Variants in NIPSNAP2 observed in about 807,000 individuals in gnomAD.
NIPSNAP2 encodes the protein nipsnap homolog 2, also known as protein NipSnap homolog 2.
A neutral mutation model predicts 48.4 loss-of-function variants in NIPSNAP2; 42 were observed. The ratio of observed to expected loss-of-function variants is 0.87; its 90% confidence interval spans 0.68 to 1.12. NIPSNAP2 has a LOEUF of 1.12. Among genes scored for constraint, NIPSNAP2 ranks in the 50% most tolerant of loss-of-function variants. The probability of loss-of-function intolerance (pLI) is 0.00; values close to 1 mark genes in which losing one functional copy is unlikely to be tolerated. For missense variants in NIPSNAP2, 314 were observed against 347.3 expected (o/e 0.90, Z 0.76); for synonymous variants, 158 against 126.6 (o/e 1.25, Z -1.67).
intron 1 of NIPSNAP2, among the ~76,000 whole-genome samples, chr7:55,967,498 G>T (rs1440739629): frequency 6.6e-6 from 1 of 151,760 alleles, no homozygotes; most frequent in Non-Finnish European, 1.5e-5. Flanking sequence ...AGATAGTCTT[G>T]CCCTGTTGCC....
chr7:55,987,817 G>A (rs1787362877), intron 7 of NIPSNAP2, among the ~76,000 whole-genome samples: 2 of 152,234 alleles, frequency 1.3e-5, no homozygotes, highest in East Asian at 1.9e-4. Flanking sequence ...GAGGGAATAC[G>A]GAATTGGTGT....
chr7:55,992,055 T>G (rs1022883178), intron 7 of NIPSNAP2, among the ~76,000 whole-genome samples: 2 of 152,148 alleles, frequency 1.3e-5, no homozygotes, highest in African/African-American at 4.8e-5. Context: ...TTATAATTTC[T>G]GTGAAGATAT....
At chr7:55,978,012 G>A in intron 1 of NIPSNAP2, 114 bp from the exon 2 acceptor site, 1 of 1,179,522 alleles carries the variant, frequency 8.5e-7, no homozygotes, top group Non-Finnish European at 1.2e-6. Flanking sequence ...GGCATTCTTT[G>A]GTAGCCCAGG....
intron 5 of NIPSNAP2, among the ~76,000 whole-genome samples, chr7:55,983,064 A>G (rs1367557162): frequency 7.0e-6 from 1 of 143,046 alleles, no homozygotes; most frequent in Non-Finnish European, 1.6e-5. Context: ...CAGAGGTTGC[A>G]GTGTGCCGAG....
Position 55,978,356 on chromosome 7 carries a change from A to G in NIPSNAP2, c.239A>G (p.Asn80Ser), listed in dbSNP as rs760571472. 19 of 1,613,462 alleles carry G rather than the reference A, an allele frequency of 1.2e-5. No homozygotes were observed. Among genetic ancestry groups the G allele is most frequent in the Middle Eastern group, 3.3e-4 (2 of 6,080 alleles). Reference sequence around the variant, plus strand: ...GAATTTTCTTTTGTTTCAGTTCACAATGTTAAACCGGAATGCCTAGAAGCA... The same window carrying G: ...GAATTTTCTTTTGTTTCAGTTCACAGTGTTAAACCGGAATGCCTAGAAGCA... The part of the protein sequence containing the change: ...TSNLYKLQFH[N>S]VKPECLEAYN... The change falls in exon 3 of 10, where the codon AAT (asparagine) becomes AGT (serine). Residue 80 changes from asparagine (N) to serine (S), a missense_variant. This residue lies in a region of NIPSNAP2 where 198 missense variants were observed against 185.5 expected (regional missense o/e 1.07). Coordinates refer to ENST00000322090, the MANE Select transcript of NIPSNAP2 (RefSeq NM_001483.3).
intron 5 of NIPSNAP2, among the ~76,000 whole-genome samples, chr7:55,982,595 C>CA (rs1787236880): frequency 3.3e-5 from 5 of 150,662 alleles, no homozygotes; most frequent in Admixed American, 3.3e-4. Context: ...AAAAAAAATA[C>CA]AAAAAAATTA....
intron 3 of NIPSNAP2, chr7:55,979,015 G>T (rs1787159641): frequency 6.6e-6 from 1 of 152,308 alleles, no homozygotes; most frequent in Admixed American, 6.5e-5. Flanking sequence ...ATGACCCATG[G>T]TGAGCAAATG....
intron 7 of NIPSNAP2, among the ~76,000 whole-genome samples, chr7:55,990,933 G>A (rs1435846730): frequency 3.3e-5 from 5 of 151,864 alleles, no homozygotes; most frequent in Admixed American, 6.6e-5. Context: ...GATTACAGGC[G>A]TGCACCGCCA....
At chr7:55,988,065 C>T (rs1203599556) in intron 7 of NIPSNAP2, among the ~76,000 whole-genome samples, 1 of 152,016 alleles carries the variant, frequency 6.6e-6, no homozygotes, top group Non-Finnish European at 1.5e-5. Context: ...AGTTTGAGAC[C>T]AGCCTGGGCA....
In NIPSNAP2 at chr7:55,964,673, G is replaced by A; in HGVS notation, c.64G>A (p.Ala22Thr). 5.4e-6 allele frequency: 6 copies of A among 1,120,096 alleles called. No homozygotes were observed. The highest frequency in any genetic ancestry group is 6.5e-6 in the Non-Finnish European group (6 of 916,656). 69.4% of individuals were successfully genotyped at this position (1,120,096 alleles called of 1,614,324 possible). A position where few individuals can be genotyped will look rare whatever the true frequency, so the allele number is the denominator to read the frequency against. Residue 22 changes from alanine (A) to threonine (T), a missense_variant, in exon 1 of 10, where the codon GCC becomes ACC. Ala to Thr is a moderately conservative substitution (Grantham distance 58). Transcript: ENST00000322090. ...GGCCGGCGGCCTCCTGCAGCGGGCG[G>A]CCCCCTGCAGCCTCCTGCCCAGGCT... The part of the protein sequence containing the change: ...AWAGGLLQRA[A>T]PCSLLPRLRT...
chr7:55,979,553 TC>T, intron 3 of NIPSNAP2: 1 of 334,850 alleles, frequency 3.0e-6, no homozygotes, highest in Non-Finnish European at 5.9e-6. Flanking sequence ...GTATTTTGGT[TC>T]TCTTGTTTCC....
At chr7:55,998,187 C>T (rs1787604014) in intron 9 of NIPSNAP2, among the ~76,000 whole-genome samples, 1 of 151,698 alleles carries the variant, frequency 6.6e-6, no homozygotes, top group South Asian at 2.1e-4. Flanking sequence ...ATCGCTTGAA[C>T]CTGGGAGGTG....
intron 1 of NIPSNAP2, among the ~76,000 whole-genome samples, chr7:55,973,346 A>C (rs1370474236): frequency 6.6e-6 from 1 of 152,080 alleles, no homozygotes; most frequent in African/African-American, 2.4e-5. Context: ...ATTTACTGGT[A>C]TTGTTATTTT....
At chr7:55,965,769 C>T (rs1432170032) in intron 1 of NIPSNAP2, among the ~76,000 whole-genome samples, 1 of 151,994 alleles carries the variant, frequency 6.6e-6, no homozygotes, top group Non-Finnish European at 1.5e-5. Context: ...TTAGTAGAGA[C>T]GGGGTTTCAC....
intron 8 of NIPSNAP2, among the ~76,000 whole-genome samples, chr7:55,995,212 A>G (rs1180652411): frequency 6.7e-6 from 1 of 150,322 alleles, no homozygotes; most frequent in Admixed American, 6.7e-5. Context: ...TGATGGGGAA[A>G]GGAATAAGGG....
chr7:55,980,188 C>CATTAA (rs1274227074), intron 3 of NIPSNAP2: 1 of 197,696 alleles, frequency 5.1e-6, no homozygotes, highest in Non-Finnish European at 1.1e-5. Flanking sequence ...ATTCATGAGT[C>CATTAA]ACGCATCAGA....
chr7:55,977,547 C>T (rs1787128649), intron 1 of NIPSNAP2, among the ~76,000 whole-genome samples: 1 of 152,108 alleles, frequency 6.6e-6, no homozygotes, highest in African/African-American at 2.4e-5. Flanking sequence ...GTGCATAATT[C>T]AGTGGCATTA....
At chr7:55,990,712 G>C (rs1413448024) in intron 7 of NIPSNAP2, among the ~76,000 whole-genome samples, 1 of 151,974 alleles carries the variant, frequency 6.6e-6, no homozygotes, top group Non-Finnish European at 1.5e-5. Context: ...TTACTTGACA[G>C]CTCTCACCTT....
intron 7 of NIPSNAP2, among the ~76,000 whole-genome samples, chr7:55,990,819 G>C (rs1285785103): frequency 7.4e-6 from 1 of 134,902 alleles, no homozygotes; most frequent in East Asian, 2.2e-4. Context: ...ACGGAGTCTT[G>C]CTCTGTTGCC....
Sources: allele counts gnomAD v4.1 joint callset (sites outside exome capture counted in the v4.1 genomes callset), GRCh38; gene constraint gnomAD v4.1.1; regional missense constraint gnomAD v4.1.1; transcripts MANE v1.5; gene names NCBI Gene and HGNC (gene_info 2026-07-23, HGNC 2026-07-21).